BPTF: variants seen among roughly 807,000 people sequenced by gnomAD.
The protein encoded by BPTF is bromodomain PHD finger transcription factor.
Under a neutral mutation model 292.5 loss-of-function variants are expected in BPTF, and 18 were observed. The observed-to-expected ratio is 0.06, with a 90% CI of 0.04 to 0.09. BPTF has a LOEUF of 0.09. Among genes scored for constraint, BPTF ranks in the 10% least tolerant of loss-of-function variants. BPTF has a pLI of 1.00. For missense variants in BPTF, 2,726 were observed against 3,498.7 expected, an observed-to-expected ratio of 0.78 and a Z score of 5.57; for synonymous variants, 1,225 against 1,251.9, an observed-to-expected ratio of 0.98 and a Z score of 0.45.
intron 19 of BPTF, among the ~76,000 whole-genome samples, chr17:67,942,992 T>G (rs6504553): frequency 2.6e-5 from 4 of 151,980 alleles, no homozygotes; most frequent in African/African-American, 9.7e-5. Flanking sequence ...TTGTATTCTT[T>G]GTGAATATTG....
rs754108327 is a variant in BPTF at position 67,853,951 on chromosome 17, C to G, written c.625C>G (p.Pro209Ala). Residue 209 changes from proline to alanine, a missense_variant, in exon 2 of 28, where the codon CCA (proline) becomes GCA (alanine). Coordinates refer to ENST00000306378, the MANE Select transcript of BPTF (RefSeq NM_182641.4). The part of the protein sequence containing the change: ...TYSSTPGRRK[P>A]RVHRPRSPIL... ...GTCTTTATCTACAGGTAGGCGAAAACCAAGAGTACATCGGCCTCGTTCTCC... is the reference window on the plus strand; with the variant it reads ...GTCTTTATCTACAGGTAGGCGAAAAGCAAGAGTACATCGGCCTCGTTCTCC... The G allele has an allele frequency of 1.2e-6, 2 of 1,608,674 alleles. No individual in the cohort carries two copies. The highest frequency in any genetic ancestry group is 3.4e-5 in the Admixed American group (2 of 59,618).
intron 1 of BPTF, among the ~76,000 whole-genome samples, chr17:67,845,396 G>T (rs2057957322): frequency 1.3e-5 from 2 of 152,142 alleles, no homozygotes; most frequent in African/African-American, 4.8e-5. Context: ...TAATTATCTG[G>T]CATTTGAAGA....
chr17:67,912,758 T>C lies in BPTF; in HGVS notation c.4874T>C (p.Val1625Ala), dbSNP rs2062736188. Residue 1625 changes from valine to alanine, a missense_variant, in exon 11 of 28, where the codon GTC becomes GCC. Coordinates refer to ENST00000306378, the MANE Select transcript of BPTF (RefSeq NM_182641.4). ...SSTENCAKSTVTTTTTTVTKL... is the reference protein window; with the variant it reads ...SSTENCAKSTATTTTTTVTKL... ...ACAGAAAATTGTGCAAAATCCACTGTCACAACCACCACTACAACAGTGACC... is the reference window on the plus strand; with the variant it reads ...ACAGAAAATTGTGCAAAATCCACTGCCACAACCACCACTACAACAGTGACC... 6.2e-7 allele frequency: 1 copy of C among 1,613,980 alleles called. No homozygotes were observed. Among genetic ancestry groups the C allele is most frequent in the Non-Finnish European group, 8.5e-7 (1 of 1,180,048 alleles).
chr17:67,944,022 C>A, intron 19 of BPTF, 128 bp from the exon 20 acceptor site: 1 of 743,512 alleles, frequency 1.3e-6, no homozygotes, highest in Non-Finnish European at 2.2e-6. Flanking sequence ...TAAATTCCTG[C>A]TGGTGACATT....
At position 67,866,488 on chromosome 17, in the gene BPTF, T is replaced by A; in HGVS notation, c.1461T>A (p.Asn487Lys). The A allele has an allele frequency of 6.2e-7, 1 of 1,612,170 alleles. No homozygotes were observed. The highest frequency in any genetic ancestry group is 2.2e-5 in the East Asian group (1 of 44,866). ...LIIEEDTENE[N>K]EKKIWYYSTK... ...GAGAAGAAGATACAGAAAATGAAAA[T>A]GAAAAGAAAATTTGGTATTACAGCA... The change falls in exon 3 of 28, where the codon AAT (asparagine) becomes AAA (lysine). Residue 487 changes from asparagine to lysine, a missense_variant. By Grantham distance (94) the Asn-to-Lys change is moderately conservative. Around this residue, in one of 22 missense-constraint regions of BPTF, gnomAD observed 187 missense variants for 201.5 expected, o/e 0.93. Transcript: ENST00000306378.
Position 67,825,954 on chromosome 17 carries a change from C to G in BPTF, c.230C>G (p.Pro77Arg). The change falls in exon 1 of 28, where the codon CCG (proline) becomes CGG (arginine). Residue 77 changes from proline (P) to arginine (R), a missense_variant. Pro to Arg is a moderately radical substitution (Grantham distance 103, BLOSUM62 -2). This residue lies in a region of BPTF where 103 missense variants were observed against 72.1 expected (regional missense o/e 1.43). Transcript: ENST00000306378. ...PRGGSSSRRK[P>R]PPPPPAPPST... ...GGGGGCAGCAGTAGCCGGAGGAAGCCGCCGCCGCCGCCGCCGGCCCCCCCC... is the reference window on the plus strand; with the variant it reads ...GGGGGCAGCAGTAGCCGGAGGAAGCGGCCGCCGCCGCCGCCGGCCCCCCCC... The G allele has an allele frequency of 1.0e-6, 1 of 996,894 alleles. No homozygotes were observed. The highest frequency in any genetic ancestry group is 1.2e-6 in the Non-Finnish European group (1 of 837,354). 61.8% of individuals were successfully genotyped at this position (996,894 alleles called of 1,614,324 possible).
intron 18 of BPTF, 100 bp from the exon 19 acceptor site, chr17:67,940,339 A>G (rs1262188752): frequency 1.0e-5 from 11 of 1,076,698 alleles, no homozygotes; most frequent in Middle Eastern, 6.1e-4. Context: ...TGTTTTTTTG[A>G]AGATGGAAAA....
intron 9 of BPTF, among the ~76,000 whole-genome samples, chr17:67,908,527 C>G (rs2062398583): frequency 7.6e-6 from 1 of 131,958 alleles, no homozygotes; most frequent in South Asian, 2.4e-4. Flanking sequence ...GAGTCTCACT[C>G]TGTCACCCAG....
chr17:67,902,765 C>G (rs945915944), intron 7 of BPTF, among the ~76,000 whole-genome samples: 1 of 152,030 alleles, frequency 6.6e-6, no homozygotes. Context: ...AGACTGAAAT[C>G]CCCTCCCACA....
At chr17:67,906,780 C>T (rs2062232255) in intron 9 of BPTF, among the ~76,000 whole-genome samples, 1 of 152,172 alleles carries the variant, frequency 6.6e-6, no homozygotes, top group South Asian at 2.1e-4. Context: ...GATTTCTTTG[C>T]ACTCTCTTCC....
intron 9 of BPTF, among the ~76,000 whole-genome samples, chr17:67,907,099 C>T (rs531295402): frequency 1.4e-4 from 21 of 150,734 alleles, no homozygotes; most frequent in African/African-American, 3.7e-4. Context: ...GAGGGAGGAT[C>T]GTTTGAGCCC....
chr17:67,946,238 G>T lies in BPTF; in HGVS notation c.7530G>T (p.Gln2510His). 3.7e-6 allele frequency: 6 copies of T among 1,614,242 alleles called. No homozygotes were observed. The highest frequency in any genetic ancestry group is 5.1e-6 in the Non-Finnish European group (6 of 1,180,046). The change falls in exon 21 of 28, where the codon CAG (glutamine) becomes CAT (histidine). Residue 2510 changes from glutamine to histidine, a missense_variant. Transcript: ENST00000306378. ...AAAGGGTTCAGCAACTCAGGGATCA[G>T]CAGCAAAAGAAGAAACAGCAACAGA... ...QLQRVQQLRD[Q>H]QQKKKQQQIE...
rs752734444 is a variant in BPTF at position 67,854,156 on chromosome 17, A to G, written c.830A>G (p.Gln277Arg). ...GACTTTTGTGCAGCTCTGGTGAGCC[A>G]AGAGCAGTGCACACTCATGGCAGAG... Reference protein sequence around the residue: ...FEDFCAALVSQEQCTLMAEMH... With the variant: ...FEDFCAALVSREQCTLMAEMH... Residue 277 changes from glutamine (Q) to arginine (R), a missense_variant, in exon 2 of 28, where the codon CAA becomes CGA. Physicochemically the swap from Gln to Arg is conservative, Grantham distance 43 (BLOSUM62 1). Coordinates refer to ENST00000306378, the MANE Select transcript of BPTF (RefSeq NM_182641.4). This position sits in a 1 kb window ranked among gnomAD's most constrained non-coding sequence, Gnocchi z 5.6. The G allele has an allele frequency of 6.2e-7, 1 of 1,614,234 alleles. No individual in the cohort carries two copies. The highest frequency in any genetic ancestry group is 1.1e-5 in the South Asian group (1 of 91,090).
chr17:67,828,755 C>T (rs1331990744), intron 1 of BPTF, among the ~76,000 whole-genome samples: 3 of 152,020 alleles, frequency 2.0e-5, no homozygotes, highest in Non-Finnish European at 2.9e-5. Context: ...CTTGAACTCC[C>T]GACCTCAGTT....
intron 23 of BPTF, among the ~76,000 whole-genome samples, chr17:67,949,042 G>A (rs1555677014): frequency 6.6e-6 from 1 of 152,114 alleles, no homozygotes; most frequent in East Asian, 1.9e-4. Flanking sequence ...TGTAGGTATT[G>A]CTAACCTGCT....
intron 23 of BPTF, among the ~76,000 whole-genome samples, chr17:67,950,051 CAAA>C (rs567911150): frequency 1.5e-5 from 1 of 68,596 alleles, no homozygotes; most frequent in Middle Eastern, 0.013. Context: ...GAGACTGTCT[CAAA>C]AAAAAAAAAA....
intron 3 of BPTF, among the ~76,000 whole-genome samples, chr17:67,869,824 A>C (rs56340249): frequency 7.3e-6 from 1 of 137,084 alleles, no homozygotes; most frequent in East Asian, 2.3e-4. Flanking sequence ...TCTACTAAAA[A>C]TACAAAAAAA....
chr17:67,943,740 C>T (rs1598818503), intron 19 of BPTF, among the ~76,000 whole-genome samples: 1 of 152,276 alleles, frequency 6.6e-6, no homozygotes, highest in East Asian at 1.9e-4. Context: ...CCCATAAAGT[C>T]ACAAGTCCAT....
chr17:67,866,979 C>T (rs1296621228), intron 3 of BPTF, among the ~76,000 whole-genome samples: 1 of 152,178 alleles, frequency 6.6e-6, no homozygotes, highest in Non-Finnish European at 1.5e-5. Flanking sequence ...AGTTGTAGCA[C>T]AATGGCAGGT....
Sources: gnomAD v4.1 joint callset for allele counts (sites outside exome capture counted in the v4.1 genomes callset) on GRCh38, gnomAD v4.1.1 for gene constraint, gnomAD v4.1.1 regional missense constraint, Gnocchi (gnomAD v3.1) non-coding constraint, MANE v1.5 for transcripts, NCBI Gene and HGNC (gene_info 2026-07-23, HGNC 2026-07-21) for gene names.